IMMP2L: variants seen among roughly 807,000 people sequenced by gnomAD.
IMMP2L encodes mitochondrial inner membrane protease subunit 2.
Under a neutral mutation model 19.3 loss-of-function variants are expected in IMMP2L, and 18 were observed. The observed-to-expected ratio is 0.93, with a 90% CI of 0.64 to 1.38. IMMP2L has a LOEUF of 1.38. Ranked by LOEUF, IMMP2L falls within the 40% of genes most tolerant of loss-of-function variation. The probability of loss-of-function intolerance (pLI) is 0.00; values close to 1 mark genes in which losing one functional copy is unlikely to be tolerated. For synonymous variants in IMMP2L, 76 were observed against 73.0 expected (o/e 1.04, Z -0.21); for missense variants, 233 against 218.2 (o/e 1.07, Z -0.43).
intron 3 of IMMP2L, among the ~76,000 whole-genome samples, chr7:111,207,852 A>T (rs555950117): frequency 6.6e-6 from 1 of 152,140 alleles, no homozygotes; most frequent in African/African-American, 2.4e-5. Flanking sequence ...GAGGTTTTCT[A>T]TTCTAAAATA....
chr7:111,090,115 T>C (rs553164679), intron 3 of IMMP2L, among the ~76,000 whole-genome samples: 3 of 152,290 alleles, frequency 2.0e-5, no homozygotes, highest in South Asian at 4.1e-4. Context: ...GTTTCTCTAG[T>C]ATACTAATTA....
At chr7:111,500,880 G>C (rs1477325938) in intron 2 of IMMP2L, among the ~76,000 whole-genome samples, 1 of 152,124 alleles carries the variant, frequency 6.6e-6, no homozygotes, top group African/African-American at 2.4e-5. Context: ...GGGAAAAACA[G>C]AGCAGAAAAA....
intron 3 of IMMP2L, among the ~76,000 whole-genome samples, chr7:111,342,574 G>C (rs938891045): frequency 2.6e-5 from 4 of 151,974 alleles, no homozygotes; most frequent in African/African-American, 9.7e-5. Flanking sequence ...TCTGGCGACA[G>C]AGTGAGACTC....
intron 2 of IMMP2L, among the ~76,000 whole-genome samples, chr7:111,501,429 T>C (rs1234734137): frequency 6.6e-6 from 1 of 152,046 alleles, no homozygotes; most frequent in East Asian, 1.9e-4. Flanking sequence ...ACTTCCCCAG[T>C]CTAGCAAGGC....
At chr7:111,149,890 A>T (rs1035068942) in intron 3 of IMMP2L, among the ~76,000 whole-genome samples, 1 of 152,210 alleles carries the variant, frequency 6.6e-6, no homozygotes, top group Non-Finnish European at 1.5e-5. Flanking sequence ...GCAACTCATC[A>T]AATTTTTATT....
chr7:111,338,835 T>C (rs905880327), intron 3 of IMMP2L, among the ~76,000 whole-genome samples: 3 of 152,112 alleles, frequency 2.0e-5, no homozygotes, highest in African/African-American at 4.8e-5. Context: ...GCCCCAATAT[T>C]GCATGCATGT....
intron 1 of IMMP2L, among the ~76,000 whole-genome samples, chr7:111,530,656 C>A (rs1166960036): frequency 1.0e-4 from 15 of 149,948 alleles, no homozygotes; most frequent in African/African-American, 3.4e-4. Flanking sequence ...AGGAAGAAAA[C>A]TGGAATTACA....
intron 3 of IMMP2L, chr7:111,125,510 T>C (rs752074220): frequency 6.0e-6 from 1 of 166,102 alleles, no homozygotes; most frequent in African/African-American, 2.4e-5. Context: ...TGTTTTTCTA[T>C]AATGAAATTT....
chr7:111,462,928 A>G (rs1235006367), intron 3 of IMMP2L, among the ~76,000 whole-genome samples: 1 of 152,148 alleles, frequency 6.6e-6, no homozygotes, highest in Admixed American at 6.6e-5. Flanking sequence ...TTTTCATGAC[A>G]TATGGTATGT....
At chr7:111,269,902 T>C (rs937898866) in intron 3 of IMMP2L, among the ~76,000 whole-genome samples, 5 of 152,162 alleles carry the variant, frequency 3.3e-5, no homozygotes, top group African/African-American at 1.2e-4. Context: ...CTTATCATGT[T>C]CTGATTTGAG....
At chr7:110,926,855 A>G (rs149923382) in intron 4 of IMMP2L, among the ~76,000 whole-genome samples, 61 of 152,236 alleles carry the variant, frequency 4.0e-4, no homozygotes, top group African/African-American at 1.4e-3. Flanking sequence ...CCATGAAAAA[A>G]GTTTTATTTA....
intron 5 of IMMP2L, among the ~76,000 whole-genome samples, chr7:110,857,474 T>C (rs558687530): frequency 6.6e-6 from 1 of 152,078 alleles, no homozygotes; most frequent in East Asian, 1.9e-4. Flanking sequence ...AAAAGACATA[T>C]GAAAAAAGAG....
intron 3 of IMMP2L, among the ~76,000 whole-genome samples, chr7:111,292,164 A>C (rs1039718569): frequency 3.3e-5 from 5 of 152,172 alleles, no homozygotes; most frequent in Admixed American, 1.3e-4. Flanking sequence ...GATTTCACTG[A>C]ACTTGAAGAC....
intron 4 of IMMP2L, among the ~76,000 whole-genome samples, chr7:110,897,647 A>G (rs1435617814): frequency 6.6e-6 from 1 of 152,174 alleles, no homozygotes; most frequent in East Asian, 1.9e-4. Flanking sequence ...TGTTTTTCAT[A>G]ACACTGTTCA....
chr7:110,841,241 A>G (rs1805053342), intron 5 of IMMP2L, among the ~76,000 whole-genome samples: 1 of 152,024 alleles, frequency 6.6e-6, no homozygotes, highest in African/African-American at 2.4e-5. Flanking sequence ...AATGATTACT[A>G]TAGGTAAGCA....
At chr7:110,845,982 T>C (rs901642573) in intron 5 of IMMP2L, among the ~76,000 whole-genome samples, 1 of 152,168 alleles carries the variant, frequency 6.6e-6, no homozygotes, top group African/African-American at 2.4e-5. Context: ...CATCTTGTAC[T>C]TTCCAGCCTG....
chr7:111,373,128 A>G (rs552240009), intron 3 of IMMP2L, among the ~76,000 whole-genome samples: 2 of 152,034 alleles, frequency 1.3e-5, no homozygotes, highest in Non-Finnish European at 2.9e-5. Flanking sequence ...GTGAAAAAAA[A>G]AAAACTGTAG....
intron 3 of IMMP2L, among the ~76,000 whole-genome samples, chr7:111,465,062 T>A (rs1482228509): frequency 1.3e-5 from 2 of 152,086 alleles, no homozygotes; most frequent in East Asian, 1.9e-4. Context: ...CCCAAAGTGC[T>A]GGGATTACAG....
intron 4 of IMMP2L, among the ~76,000 whole-genome samples, chr7:110,940,454 A>G (rs2129552945): frequency 6.6e-6 from 1 of 152,332 alleles, no homozygotes; most frequent in African/African-American, 2.4e-5. Flanking sequence ...AAGGATCTTC[A>G]GAGATCTCAT....
Sources: gnomAD v4.1 joint callset for allele counts (sites outside exome capture counted in the v4.1 genomes callset) on GRCh38, gnomAD v4.1.1 for gene constraint, MANE v1.5 for transcripts, NCBI Gene and HGNC (gene_info 2026-07-23, HGNC 2026-07-21) for gene names.